MICAL3: variants seen among roughly 807,000 people sequenced by gnomAD.
MICAL3 encodes the protein microtubule associated monooxygenase, calponin and LIM domain containing 3, also known as [F-actin]-monooxygenase MICAL3.
Under a neutral mutation model 207.4 loss-of-function variants are expected in MICAL3, and 62 were observed. The observed-to-expected ratio is 0.30, with a 90% CI of 0.24 to 0.37. The LOEUF (loss-of-function observed/expected upper bound fraction) is 0.37, where lower values mean the gene tolerates loss of function less well. Among genes scored for constraint, MICAL3 ranks in the 10% least tolerant of loss-of-function variants. MICAL3 has a pLI of 1.00. For synonymous variants in MICAL3, 1,077 were observed against 1,069.3 expected, an observed-to-expected ratio of 1.01 and a Z score of -0.14; for missense variants, 2,368 against 2,635.6, an observed-to-expected ratio of 0.90 and a Z score of 2.22.
chr22:17,919,751 C>G (rs1314851332), intron 1 of MICAL3, among the ~76,000 whole-genome samples: 1 of 152,206 alleles, frequency 6.6e-6, no homozygotes, highest in Non-Finnish European at 1.5e-5. Context: ...ACAGGCTCTG[C>G]CCAGCAGGCC....
intron 29 of MICAL3, among the ~76,000 whole-genome samples, chr22:17,794,615 C>A (rs1278868912): frequency 1.3e-5 from 2 of 152,218 alleles, no homozygotes; most frequent in Non-Finnish European, 2.9e-5. Flanking sequence ...GAGAGCCAAC[C>A]ACCCCCTTTC....
intron 1 of MICAL3, among the ~76,000 whole-genome samples, chr22:17,925,529 C>T (rs1211598380): frequency 6.6e-6 from 1 of 152,150 alleles, no homozygotes; most frequent in African/African-American, 2.4e-5. Context: ...AAGTTGATAT[C>T]TACTTGTTGC....
At chr22:17,940,863 G>A (rs1237320018) in intron 1 of MICAL3, among the ~76,000 whole-genome samples, 1 of 152,032 alleles carries the variant, frequency 6.6e-6, no homozygotes, top group African/African-American at 2.4e-5. Flanking sequence ...ATTTAATCAG[G>A]GTAGGATGAT....
intron 12 of MICAL3, among the ~76,000 whole-genome samples, 168 bp downstream of exon 12, chr22:17,891,317 C>T (rs148618927): frequency 3.2e-4 from 49 of 152,100 alleles, no homozygotes; most frequent in African/African-American, 1.2e-3. Context: ...CTATATAATA[C>T]ATGACATACA....
rs149204635 is a variant in MICAL3, at chr22:17,928,702, C to A, written c.-74-21816G>T. 1.5e-3 allele frequency among the ~76,000 whole-genome samples: 224 copies of A among 152,318 alleles called. 8 individuals carry two copies. In the East Asian group the frequency reaches 0.03, roughly 20 times the overall value. ...AACCAGAACACTTAGATGTTTCATA[C>A]CGTGGCTTTATATATTGTGTTACAT... On this transcript the variant is annotated intron_variant, in intron 1 of 31. Transcript: ENST00000441493.
intron 1 of MICAL3, among the ~76,000 whole-genome samples, chr22:17,936,408 C>T (rs1933530548): frequency 6.6e-6 from 1 of 151,992 alleles, no homozygotes; most frequent in African/African-American, 2.4e-5. Context: ...GGGAACACCA[C>T]ACACCAGGGC....
chr22:17,940,162 T>TA (rs1236265419), intron 1 of MICAL3, among the ~76,000 whole-genome samples: 1 of 152,262 alleles, frequency 6.6e-6, no homozygotes, highest in East Asian at 1.9e-4. Flanking sequence ...GTCATTTTAC[T>TA]ATCTGCCCTT....
chr22:17,995,815 CT>C (rs1569161229), intron 1 of MICAL3, among the ~76,000 whole-genome samples: 1 of 151,758 alleles, frequency 6.6e-6, no homozygotes, highest in Non-Finnish European at 1.5e-5. Context: ...GGCCTCTTTT[CT>C]TTTTTAAAAC....
Position 17,819,045 on chromosome 22 carries a change from C to G in MICAL3, c.3616G>C (p.Glu1206Gln). ...GAGGGGGCATCAGCTTTGGGCTTCTCTTTGGGGAGCAAAGGCTCAGGGAAA... is the reference window on the plus strand; with the variant it reads ...GAGGGGGCATCAGCTTTGGGCTTCTGTTTGGGGAGCAAAGGCTCAGGGAAA... ...RLFPEPLLPK[E>Q]KPKADAPSDL... is the part of the protein sequence containing the mutation. Residue 1206 changes from glutamate (E) to glutamine (Q), a missense_variant, in exon 26 of 32, where the codon GAG (glutamate) becomes CAG (glutamine). By Grantham distance (29) the Glu-to-Gln change is conservative. Around this residue, in one of 4 missense-constraint regions of MICAL3, gnomAD observed 1,770 missense variants for 1,863.2 expected, o/e 0.95. Transcript: ENST00000441493. The G allele has an allele frequency of 6.3e-7, 1 of 1,589,688 alleles. No homozygotes were observed. Among genetic ancestry groups the G allele is most frequent in the Admixed American group, 1.8e-5 (1 of 56,410 alleles).
At chr22:17,917,434 G>T (rs1393071090) in intron 1 of MICAL3, among the ~76,000 whole-genome samples, 1 of 152,072 alleles carries the variant, frequency 6.6e-6, no homozygotes. Flanking sequence ...AAAATTCTGT[G>T]TTCTACCTTC....
intron 1 of MICAL3, among the ~76,000 whole-genome samples, chr22:17,964,422 C>T (rs1022842451): frequency 6.6e-6 from 1 of 152,210 alleles, no homozygotes; most frequent in African/African-American, 2.4e-5. Context: ...AGCGAACAGC[C>T]CTGACTCTTA....
chr22:17,894,345 T>C (rs1036254908), intron 10 of MICAL3, among the ~76,000 whole-genome samples: 26 of 144,384 alleles, frequency 1.8e-4, no homozygotes, highest in Admixed American at 5.1e-4. Flanking sequence ...TGAGCTGAGA[T>C]AGTGCCACCA....
At position 17,841,715 on chromosome 22, in the gene MICAL3, G is replaced by A. The variant is rs1285394313; in HGVS notation, c.2801+107C>T. ...GGGGAGAATGGACTGCGGGCAGCAG[G>A]AAAGACAGGAGGCCTCCCTTCACTG... On this transcript the variant is annotated intron_variant, in intron 20 of 31. Transcript: ENST00000441493. This position sits in a 1 kb window ranked among gnomAD's most constrained non-coding sequence, Gnocchi z 4.2. 37 of 1,177,014 alleles carry A rather than the reference G, an allele frequency of 3.1e-5. No individual in the cohort carries two copies. The highest frequency in any genetic ancestry group is 3.6e-6 in the Non-Finnish European group (3 of 829,846). The allele number at this position is 1,177,014 out of a possible 1,614,324, so 72.9% of individuals were successfully genotyped here. A position where few individuals can be genotyped will look rare whatever the true frequency, so the allele number is the denominator to read the frequency against.
In MICAL3 at chr22:17,976,561, GTATATATA is replaced by G. The variant is rs751076102; in HGVS notation, c.-75+47712_-75+47719del. Among the ~76,000 whole-genome samples the G allele has an allele frequency of 3.0e-3, 241 of 80,022 alleles. 1 individual carries two copies. Among genetic ancestry groups the G allele is most frequent in the African/African-American group, 0.012 (212 of 17,228 alleles). 52.5% of individuals were successfully genotyped at this position (80,022 alleles called of 152,430 possible). On this transcript the variant is annotated intron_variant, in intron 1 of 31. Transcript: ENST00000441493. ...TGTGTGTGTGTGTGTGTGTGTGTGT[GTATATATA>G]TATATATATATATATATATATTTTT...
At chr22:18,003,061 G>A (rs1923146789) in intron 1 of MICAL3, among the ~76,000 whole-genome samples, 1 of 151,690 alleles carries the variant, frequency 6.6e-6, no homozygotes, top group African/African-American at 2.4e-5. Flanking sequence ...TCAGGAGGCT[G>A]AGGCAGGATA....
intron 1 of MICAL3, among the ~76,000 whole-genome samples, chr22:17,959,009 G>GT (rs1569147355): frequency 1.3e-4 from 15 of 118,894 alleles, no homozygotes; most frequent in African/African-American, 4.5e-4. Context: ...CCGGGCCTGG[G>GT]GTTTTTTTTT....
chr22:17,808,650 A>G (rs2062012291), intron 29 of MICAL3, among the ~76,000 whole-genome samples, 194 bp downstream of exon 29: 3 of 152,204 alleles, frequency 2.0e-5, no homozygotes, highest in Non-Finnish European at 4.4e-5. Flanking sequence ...GTGGAGCAGG[A>G]TGGGCCTGGG....
chr22:17,883,397 C>T (rs887525781), intron 16 of MICAL3, among the ~76,000 whole-genome samples: 1 of 152,188 alleles, frequency 6.6e-6, no homozygotes. Flanking sequence ...TAAAACCCAA[C>T]TCACCACTCC....
rs1318742008 is a variant in MICAL3, at chr22:17,818,705, C to T, written c.3956G>A (p.Arg1319Lys). The change falls in exon 26 of 32, where the codon AGA becomes AAA. Residue 1319 changes from arginine to lysine, a missense_variant. By Grantham distance (26) the Arg-to-Lys change is conservative. Around this residue, in one of 4 missense-constraint regions of MICAL3, gnomAD observed 1,770 missense variants for 1,863.2 expected, o/e 0.95. Transcript: ENST00000441493. Reference protein sequence around the residue: ...GSPLAVDEALRRSDLVEEFWM... With the variant: ...GSPLAVDEALKRSDLVEEFWM... ...GAACTCCTCCACCAGGTCGCTCCGT[C>T]TGAGGGCCTCATCCACAGCAAGGGG... 6.2e-7 allele frequency: 1 copy of T among 1,613,632 alleles called. No homozygotes were observed. Among genetic ancestry groups the T allele is most frequent in the Admixed American group, 1.7e-5 (1 of 60,020 alleles).
Sources: gnomAD v4.1 joint callset for allele counts (sites outside exome capture counted in the v4.1 genomes callset) on GRCh38, gnomAD v4.1.1 for gene constraint, gnomAD v4.1.1 regional missense constraint, Gnocchi (gnomAD v3.1) non-coding constraint, MANE v1.5 for transcripts, NCBI Gene and HGNC (gene_info 2026-07-23, HGNC 2026-07-21) for gene names.